CYP19A1: variants seen among roughly 807,000 people sequenced by gnomAD.
CYP19A1 encodes the protein cytochrome P450 family 19 subfamily A member 1, also known as aromatase.
CYP19A1 carries 32 observed loss-of-function variants against 44.4 expected under a neutral mutation model. The observed-to-expected ratio is 0.72, with a 90% confidence interval of 0.54 to 0.97. The LOEUF (loss-of-function observed/expected upper bound fraction) is 0.97. Among genes scored for constraint, CYP19A1 ranks in the 50% least tolerant of loss-of-function variants. The pLI is 0.00. For synonymous variants in CYP19A1, 212 were observed against 215.6 expected (o/e 0.98, Z 0.14); for missense variants, 598 against 637.8 (o/e 0.94, Z 0.67).
At chr15:51,297,627 GTGCTC>G (rs934240631) in intron 1 of CYP19A1, among the ~76,000 whole-genome samples, 7 of 152,106 alleles carry the variant, frequency 4.6e-5, no homozygotes, top group African/African-American at 1.7e-4. Context: ...GACACCCCCA[GTGCTC>G]TGCTCTGCTC....
intron 2 of CYP19A1, among the ~76,000 whole-genome samples, chr15:51,237,729 G>T (rs1328477921): frequency 1.3e-5 from 2 of 152,180 alleles, no homozygotes; most frequent in Non-Finnish European, 2.9e-5. Context: ...TTACAATCTT[G>T]CTTATGCAGA....
At chr15:51,246,459 T>C (rs981481723) in intron 1 of CYP19A1, among the ~76,000 whole-genome samples, 1 of 152,210 alleles carries the variant, frequency 6.6e-6, no homozygotes, top group African/African-American at 2.4e-5. Flanking sequence ...CTTGATGCAC[T>C]AGGCCTGTGT....
intron 1 of CYP19A1, among the ~76,000 whole-genome samples, chr15:51,337,569 G>A (rs1393568616): frequency 6.6e-6 from 1 of 152,236 alleles, no homozygotes; most frequent in Non-Finnish European, 1.5e-5. Flanking sequence ...CAGAGCCCCT[G>A]CAGCTTGTAG....
intron 1 of CYP19A1, among the ~76,000 whole-genome samples, chr15:51,274,284 A>T (rs1021154294): frequency 2.0e-5 from 3 of 152,208 alleles, no homozygotes; most frequent in African/African-American, 7.2e-5. Flanking sequence ...CGATTTTTGT[A>T]CAAAAATTGA....
rs8029120 is a variant in CYP19A1 at position 51,212,737 on chromosome 15, T to G, written c.1022-176A>C. ...AATATGTTATGCTTGGGCCACAGAG[T>G]GTTTTATAAAAATTCAGATATGAAG... On this transcript the variant is annotated intron_variant, in intron 8 of 9. Transcript: ENST00000396402. Among the ~76,000 whole-genome samples, 65,671 of 151,916 alleles carry G rather than the reference T, an allele frequency of 0.43. 15,254 individuals carry two copies. Among genetic ancestry groups the G allele is most frequent in the Non-Finnish European group, 0.53 (35,890 of 67,962 alleles).
intron 4 of CYP19A1, 118 bp from the exon 5 acceptor site, chr15:51,222,643 G>T: frequency 2.5e-6 from 2 of 803,946 alleles, no homozygotes; most frequent in Non-Finnish European, 2.1e-6. Context: ...TTAATAATTG[G>T]GTGGAAGTTT....
rs1418546247 is a variant in CYP19A1, at chr15:51,297,273, C to T, written c.-39+41222G>A. ...CAGGCCCAGACTCCAAACAGCCCGG[C>T]CAGCCCTCTCCCTCATCTCCACATG... On this transcript the variant is annotated intron_variant, in intron 1 of 9. Coordinates refer to ENST00000396402, the MANE Select transcript of CYP19A1 (RefSeq NM_000103.4). Among the ~76,000 whole-genome samples, 3 of 152,202 alleles carry T rather than the reference C, an allele frequency of 2.0e-5. No homozygotes were observed. In the East Asian group the frequency reaches 5.8e-4, roughly 29 times the overall value.
intron 1 of CYP19A1, among the ~76,000 whole-genome samples, chr15:51,284,137 C>T (rs1005850864): frequency 1.3e-5 from 2 of 152,190 alleles, no homozygotes; most frequent in Middle Eastern, 3.2e-3. Flanking sequence ...TGCTCAGTTG[C>T]TGCTGCTACC....
rs1243480763 is a variant in CYP19A1 at position 51,258,043 on chromosome 15, A to T, written c.-38-15093T>A. Among the ~76,000 whole-genome samples the T allele has an allele frequency of 2.6e-5, 4 of 152,358 alleles. No homozygotes were observed. The East Asian group carries it at 5.8e-4, about 22-fold the overall frequency. On this transcript the variant is annotated intron_variant, in intron 1 of 9. Transcript: ENST00000396402. Reference sequence around the variant, plus strand: ...TCTGTGAGTTAGCTGTTACCAATGAAGTCCAGAATAGAAGCAACTTGCTCA... The same window carrying T: ...TCTGTGAGTTAGCTGTTACCAATGATGTCCAGAATAGAAGCAACTTGCTCA...
In CYP19A1 at chr15:51,210,967, G is replaced by A. The variant is rs774940170; in HGVS notation, c.1353C>T (p.Leu451=). 76 of 1,606,580 alleles carry A rather than the reference G, an allele frequency of 4.7e-5. No homozygotes were observed. Among genetic ancestry groups the A allele is most frequent in the Non-Finnish European group, 5.9e-5 (69 of 1,173,228 alleles). Reference sequence around the variant, plus strand: ...CGTGGAATCGTCTCAGAAGTGTAACGAGGATGGCTTTCATCATCACCATGG... The same window carrying A: ...CGTGGAATCGTCTCAGAAGTGTAACAAGGATGGCTTTCATCATCACCATGG... ...YIAMVMMKAI[L]VTLLRRFHVK... is the part of the protein sequence containing the mutation. The change falls in exon 10 of 10, where the codon CTC becomes CTT. Residue 451 remains leucine (L), a synonymous_variant. Coordinates refer to ENST00000396402, the MANE Select transcript of CYP19A1 (RefSeq NM_000103.4).
At chr15:51,280,620 G>A (rs2035487047) in intron 1 of CYP19A1, among the ~76,000 whole-genome samples, 1 of 152,212 alleles carries the variant, frequency 6.6e-6, no homozygotes, top group African/African-American at 2.4e-5. Flanking sequence ...TCATCTACAT[G>A]GGTGGAGGTG....
chr15:51,275,079 T>A (rs1311854970), intron 1 of CYP19A1, among the ~76,000 whole-genome samples: 1 of 152,290 alleles, frequency 6.6e-6, no homozygotes, highest in Non-Finnish European at 1.5e-5. Flanking sequence ...GCTTGTGCAG[T>A]CCCTAACTGT....
intron 1 of CYP19A1, among the ~76,000 whole-genome samples, chr15:51,274,161 C>T (rs1476058132): frequency 6.6e-6 from 1 of 152,180 alleles, no homozygotes; most frequent in Admixed American, 6.5e-5. Context: ...CAGCCATATA[C>T]ATCAATAGTA....
intron 1 of CYP19A1, among the ~76,000 whole-genome samples, chr15:51,327,084 G>A (rs938350831): frequency 6.6e-6 from 1 of 152,118 alleles, no homozygotes; most frequent in African/African-American, 2.4e-5. Flanking sequence ...CGTATTTTTG[G>A]TTTCGGGTAG....
intron 1 of CYP19A1, chr15:51,255,666 G>C (rs527826011): frequency 6.6e-6 from 1 of 152,298 alleles, no homozygotes; most frequent in South Asian, 2.1e-4. Context: ...TGGCTTGCTT[G>C]ATATTAATCC....
chr15:51,269,116 C>T (rs1419888288), intron 1 of CYP19A1, among the ~76,000 whole-genome samples: 1 of 152,046 alleles, frequency 6.6e-6, no homozygotes, highest in Non-Finnish European at 1.5e-5. Context: ...TCCAAGGTCA[C>T]CTCCTCTTTT....
intron 1 of CYP19A1, among the ~76,000 whole-genome samples, chr15:51,274,228 C>T (rs1185313833): frequency 6.6e-6 from 1 of 152,114 alleles, no homozygotes; most frequent in Non-Finnish European, 1.5e-5. Flanking sequence ...AGACAAGGAC[C>T]CTAGGGAAGT....
At chr15:51,284,813 G>T (rs977123830) in intron 1 of CYP19A1, among the ~76,000 whole-genome samples, 1 of 152,216 alleles carries the variant, frequency 6.6e-6, no homozygotes, top group African/African-American at 2.4e-5. Flanking sequence ...ATTATATGGG[G>T]AAGAAGATTT....
intron 3 of CYP19A1, among the ~76,000 whole-genome samples, chr15:51,231,129 C>A (rs2032996751): frequency 6.6e-6 from 1 of 152,204 alleles, no homozygotes; most frequent in South Asian, 2.1e-4. Context: ...AGTGGGACAA[C>A]CTGTTACTCA....
Sources: gnomAD v4.1 joint callset for allele counts (sites outside exome capture counted in the v4.1 genomes callset) on GRCh38, gnomAD v4.1.1 for gene constraint, MANE v1.5 for transcripts, NCBI Gene and HGNC (gene_info 2026-07-23, HGNC 2026-07-21) for gene names.